The following RGS7 variants were observed in gnomAD, a reference collection of about 807,000 sequenced individuals.
RGS7 encodes regulator of G protein signaling 7.
In RGS7, 27 loss-of-function variants were observed where a neutral mutation model predicts 81.1. The ratio of observed to expected loss-of-function variants is 0.33; its 90% CI spans 0.25 to 0.46. RGS7 has a LOEUF of 0.46. RGS7 is among the 20% of genes least tolerant of loss of function. The pLI, the probability that RGS7 is intolerant of heterozygous loss-of-function variation, is 1.00. For missense variants in RGS7, 396 were observed against 607.4 expected (o/e 0.65, Z 3.66); for synonymous variants, 208 against 207.7 (o/e 1.00, Z -0.01).
chr1:241,286,115 T>C (rs1028223914), intron 2 of RGS7, among the ~76,000 whole-genome samples: 10 of 152,238 alleles, frequency 6.6e-5, no homozygotes, highest in Non-Finnish European at 1.2e-4. Flanking sequence ...GGATCTTCTT[T>C]AAGTCTCTTC....
chr1:240,980,620 G>T (rs928313844), intron 4 of RGS7, among the ~76,000 whole-genome samples: 1 of 152,144 alleles, frequency 6.6e-6, no homozygotes, highest in African/African-American at 2.4e-5. Flanking sequence ...AGCCACCAAA[G>T]TAACTTTCAT....
chr1:240,902,594 A>G (rs1670192061), intron 6 of RGS7, among the ~76,000 whole-genome samples: 1 of 152,098 alleles, frequency 6.6e-6, no homozygotes, highest in Admixed American at 6.6e-5. Context: ...ATATATTTTA[A>G]TTTTTTAAAA....
chr1:240,817,028 G>A (rs200452140), intron 10 of RGS7, among the ~76,000 whole-genome samples: 3 of 152,054 alleles, frequency 2.0e-5, no homozygotes, highest in Admixed American at 6.5e-5. Flanking sequence ...ATGCATCTTC[G>A]GAATTCTCAA....
chr1:240,834,687 A>AT (rs1380471668), intron 9 of RGS7, among the ~76,000 whole-genome samples: 1 of 151,658 alleles, frequency 6.6e-6, no homozygotes, highest in Non-Finnish European at 1.5e-5. Context: ...ATTTTTTTGT[A>AT]TTTTTAGTAG....
intron 3 of RGS7, among the ~76,000 whole-genome samples, chr1:241,019,532 G>A (rs558143509): frequency 1.3e-5 from 2 of 151,942 alleles, no homozygotes; most frequent in South Asian, 2.1e-4. Flanking sequence ...ACAGGCCCCA[G>A]TGTGTGATGG....
chr1:241,259,080 G>A (rs77655726), intron 2 of RGS7, among the ~76,000 whole-genome samples: 23 of 152,014 alleles, frequency 1.5e-4, no homozygotes, highest in African/African-American at 4.8e-4. Flanking sequence ...TCACTTCTTC[G>A]CTCACTCCCC....
At chr1:240,862,206 G>T (rs571753069) in intron 9 of RGS7, among the ~76,000 whole-genome samples, 4 of 152,064 alleles carry the variant, frequency 2.6e-5, no homozygotes, top group South Asian at 2.1e-4. Flanking sequence ...ATTTTATAGA[G>T]ATATTAAGTA....
chr1:241,026,519 G>A (rs2059792444), intron 3 of RGS7, among the ~76,000 whole-genome samples: 1 of 151,814 alleles, frequency 6.6e-6, no homozygotes, highest in African/African-American at 2.4e-5. Context: ...AACCTGGGAG[G>A]CGGACGTTGC....
chr1:241,089,017 C>T (rs750614311), intron 3 of RGS7, among the ~76,000 whole-genome samples: 1 of 112,310 alleles, frequency 8.9e-6, no homozygotes, highest in Non-Finnish European at 1.8e-5. Context: ...CAGAGCAAGA[C>T]TCCATCTCTC....
chr1:241,137,207 A>AC (rs937784858), intron 2 of RGS7, among the ~76,000 whole-genome samples: 1 of 150,128 alleles, frequency 6.7e-6, no homozygotes, highest in African/African-American at 2.5e-5. Flanking sequence ...TTTTATTGGC[A>AC]TTTTTTTTTC....
At chr1:241,321,735 C>T (rs1411525670) in intron 2 of RGS7, among the ~76,000 whole-genome samples, 2 of 152,098 alleles carry the variant, frequency 1.3e-5, no homozygotes, top group Admixed American at 6.5e-5. Flanking sequence ...TTCTAAATAA[C>T]CTTCTATAAT....
intron 2 of RGS7, among the ~76,000 whole-genome samples, chr1:241,223,816 T>C (rs897527767): frequency 6.6e-6 from 1 of 151,898 alleles, no homozygotes; most frequent in African/African-American, 2.4e-5. Context: ...TGAGAAAATA[T>C]GTTCTGTAAA....
intron 2 of RGS7, among the ~76,000 whole-genome samples, chr1:241,287,576 T>C (rs1364508317): frequency 6.6e-6 from 1 of 152,170 alleles, no homozygotes; most frequent in Admixed American, 6.5e-5. Context: ...ATGTCTTTAT[T>C]AGCAGTGTGA....
At chr1:241,214,459 T>G (rs974659949) in intron 2 of RGS7, among the ~76,000 whole-genome samples, 2 of 152,102 alleles carry the variant, frequency 1.3e-5, no homozygotes, top group Non-Finnish European at 2.9e-5. Context: ...AATTTTTCTT[T>G]CAACCTTTGG....
chr1:240,887,545 G>A (rs1375477359), intron 6 of RGS7, among the ~76,000 whole-genome samples: 3 of 152,078 alleles, frequency 2.0e-5, no homozygotes, highest in Non-Finnish European at 4.4e-5. Context: ...TCTTTTTTAA[G>A]TGAGATACCA....
chr1:240,968,173 G>A (rs144366825), intron 4 of RGS7, among the ~76,000 whole-genome samples: 255 of 152,148 alleles, frequency 1.7e-3, no homozygotes, highest in African/African-American at 5.4e-3. Context: ...ACACATACCC[G>A]TGTTCATGGA....
intron 3 of RGS7, among the ~76,000 whole-genome samples, chr1:241,044,215 C>T (rs530402432): frequency 4.7e-4 from 70 of 150,032 alleles, no homozygotes; most frequent in Admixed American, 1.5e-3. Context: ...TGGGTTCAAG[C>T]GATTCTTGTG....
chr1:241,154,609 G>A (rs374957983), intron 2 of RGS7, among the ~76,000 whole-genome samples: 28 of 152,334 alleles, frequency 1.8e-4, no homozygotes, highest in East Asian at 5.8e-4. Flanking sequence ...CCGAATGTCG[G>A]GAAAACTGGC....
At chr1:240,831,380 T>A (rs975291193) in intron 9 of RGS7, among the ~76,000 whole-genome samples, 2 of 152,236 alleles carry the variant, frequency 1.3e-5, no homozygotes, top group African/African-American at 4.8e-5. Context: ...AGTCATGCAC[T>A]GTGGTAAGTG....
Sources: allele counts gnomAD v4.1 joint callset (sites outside exome capture counted in the v4.1 genomes callset), GRCh38; gene constraint gnomAD v4.1.1; transcripts MANE v1.5; gene names NCBI Gene and HGNC (gene_info 2026-07-23, HGNC 2026-07-21).